The following ZC2HC1C variants were observed in gnomAD, a reference collection of about 807,000 sequenced individuals.
The protein encoded by ZC2HC1C is zinc finger C2HC domain-containing protein 1C.
A neutral mutation model predicts 39.2 loss-of-function variants in ZC2HC1C; 25 were observed. The observed-to-expected ratio is 0.64, with a 90% confidence interval of 0.47 to 0.89. The LOEUF (loss-of-function observed/expected upper bound fraction) is 0.89, where lower values mean the gene tolerates loss of function less well. ZC2HC1C is among the 40% of genes least tolerant of loss of function. The pLI, the probability that ZC2HC1C is intolerant of heterozygous loss-of-function variation, is 0.00. For synonymous variants in ZC2HC1C, 209 were observed against 214.4 expected (o/e 0.97, Z 0.22); for missense variants, 519 against 548.6 (o/e 0.95, Z 0.54).
chr14:75,070,729 T>C lies in ZC2HC1C; in HGVS notation c.156T>C (p.Asn52=). ...QQSLKGHLRN[N]FQKQLLSNKE... ...CCTTGAAGGGGCACCTGAGGAACAATTTCCAGAAGCAGCTTTTGAGCAACA... is the reference window on the plus strand; with the variant it reads ...CCTTGAAGGGGCACCTGAGGAACAACTTCCAGAAGCAGCTTTTGAGCAACA... The change falls in exon 2 of 3, where the codon AAT becomes AAC. Residue 52 remains asparagine, a synonymous_variant. Transcript: ENST00000524913. The C allele has an allele frequency of 2.5e-6, 4 of 1,614,192 alleles. No homozygotes were observed. Among genetic ancestry groups the C allele is most frequent in the Non-Finnish European group, 3.4e-6 (4 of 1,180,036 alleles).
At chr14:75,072,781 AGTGTT>A (rs1435177366) in intron 2 of ZC2HC1C, among the ~76,000 whole-genome samples, 5 of 152,186 alleles carry the variant, frequency 3.3e-5, no homozygotes, top group African/African-American at 1.2e-4. Flanking sequence ...TTTAGTGTTT[AGTGTT>A]GTATTAGAAA....
intron 2 of ZC2HC1C, among the ~76,000 whole-genome samples, chr14:75,076,376 C>A (rs1893668802): frequency 6.6e-6 from 1 of 152,104 alleles, no homozygotes; most frequent in Admixed American, 6.5e-5. Flanking sequence ...TCAAGCAATT[C>A]TCCTGCCTCA....
Position 75,070,944 on chromosome 14 carries a change from A to C in ZC2HC1C, c.371A>C (p.Asp124Ala). The change falls in exon 2 of 3, where the codon GAC (aspartate) becomes GCC (alanine). Residue 124 changes from aspartate to alanine, a missense_variant. By Grantham distance (126) the Asp-to-Ala change is moderately radical. Coordinates refer to ENST00000524913, the MANE Select transcript of ZC2HC1C (RefSeq NM_024643.4). ...QSWYPKANNQDFIPFTKKRVG... is the reference protein window; with the variant it reads ...QSWYPKANNQAFIPFTKKRVG... ...TGGTATCCCAAAGCCAATAACCAGG[A>C]CTTTATCCCCTTTACAAAGAAACGA... The C allele has an allele frequency of 6.2e-7, 1 of 1,614,190 alleles. No homozygotes were observed. Among genetic ancestry groups the C allele is most frequent in the Non-Finnish European group, 8.5e-7 (1 of 1,180,030 alleles).
chr14:75,072,852 T>C lies in ZC2HC1C; in HGVS notation c.1338+941T>C, dbSNP rs1367508903. 3.9e-5 allele frequency among the ~76,000 whole-genome samples: 6 copies of C among 152,232 alleles called. No homozygotes were observed. In the East Asian group the frequency reaches 1.2e-3, roughly 29 times the overall value. ...AAAATATAACAATATATTAAGCCCC[T>C]GATTTCCAGGGATCATGAATTTACA... On this transcript the variant is annotated intron_variant, in intron 2 of 2. Coordinates refer to ENST00000524913, the MANE Select transcript of ZC2HC1C (RefSeq NM_024643.4).
chr14:75,070,225 C>T (rs1246086458), intron 1 of ZC2HC1C, among the ~76,000 whole-genome samples: 2 of 152,158 alleles, frequency 1.3e-5, no homozygotes, highest in Non-Finnish European at 2.9e-5. Context: ...TGTTACAGGC[C>T]TAGAACCTGA....
Position 75,077,616 on chromosome 14 carries a change from G to C in ZC2HC1C, c.*52G>C. 6.2e-7 allele frequency: 1 copy of C among 1,610,836 alleles called. No homozygotes were observed. ...CCGCCAGGCTCGAGAGGTCCAGCAG[G>C]TAACTGCCAAAGGTGGAAACTGTTC... is the stretch of plus-strand genomic sequence containing the variant. On this transcript the variant is annotated 3_prime_UTR_variant, in exon 3 of 3. Transcript: ENST00000524913.
chr14:75,071,706 G>C lies in ZC2HC1C; in HGVS notation c.1133G>C (p.Gly378Ala). The change falls in exon 2 of 3, where the codon GGT becomes GCT. Residue 378 changes from glycine (G) to alanine (A), a missense_variant. Coordinates refer to ENST00000524913, the MANE Select transcript of ZC2HC1C (RefSeq NM_024643.4). ...SSLSMAPDSS[G>A]SSGSIEEPQL... Reference sequence around the variant, plus strand: ...CTGTCCATGGCACCAGACTCCTCAGGTTCCAGCGGCTCCATTGAAGAGCCA... The same window carrying C: ...CTGTCCATGGCACCAGACTCCTCAGCTTCCAGCGGCTCCATTGAAGAGCCA... 1 of 1,614,186 alleles carries C rather than the reference G, an allele frequency of 6.2e-7. No homozygotes were observed. The highest frequency in any genetic ancestry group is 8.5e-7 in the Non-Finnish European group (1 of 1,180,026).
At chr14:75,075,754 T>C (rs1186289017) in intron 2 of ZC2HC1C, among the ~76,000 whole-genome samples, 1 of 152,242 alleles carries the variant, frequency 6.6e-6, no homozygotes, top group Non-Finnish European at 1.5e-5. Flanking sequence ...AATTGTATTA[T>C]TTCCTTAATA....
Position 75,077,652 on chromosome 14 carries a change from C to T in ZC2HC1C, c.*88C>T, listed in dbSNP as rs1171481949. 6.5e-7 allele frequency: 1 copy of T among 1,529,984 alleles called. No homozygotes were observed. Among genetic ancestry groups the T allele is most frequent in the Non-Finnish European group, 9.0e-7 (1 of 1,111,140 alleles). The allele number at this position is 1,529,984 out of a possible 1,614,324, so 94.8% of individuals were successfully genotyped here. A position where few individuals can be genotyped will look rare whatever the true frequency, so the allele number is the denominator to read the frequency against. The stretch of plus-strand genomic sequence containing the variant: ...AGGTGGAAACTGTTCACACTTGCCT[C>T]CCATCCTGCCTGCAGAAAACCCAGA... On this transcript the variant is annotated 3_prime_UTR_variant, in exon 3 of 3. Coordinates refer to ENST00000524913, the MANE Select transcript of ZC2HC1C (RefSeq NM_024643.4).
chr14:75,077,493 G>A (rs200310241), intron 2 of ZC2HC1C, 39 bp from the exon 3 acceptor site: 759 of 1,613,690 alleles, frequency 4.7e-4, no homozygotes, highest in Non-Finnish European at 5.8e-4. Context: ...AAGGAGATAG[G>A]TGCCAACTTG....
rs1439395406 is a variant in ZC2HC1C at position 75,071,575 on chromosome 14, CAAT to C, written c.1008_1010del (p.Asn336del). ...TCAAAAGGGAAAGGCTGGTAGCAAGCAATAATAAAATTCGAGACCCAGTCTCAG... is the reference window on the plus strand; with the variant it reads ...TCAAAAGGGAAAGGCTGGTAGCAAGCAATAAAATTCGAGACCCAGTCTCAG... On this transcript the variant is annotated inframe_deletion, in exon 2 of 3. Transcript: ENST00000524913. The C allele has an allele frequency of 6.2e-7, 1 of 1,614,126 alleles. No homozygotes were observed. The highest frequency in any genetic ancestry group is 1.7e-5 in the Admixed American group (1 of 60,014).
At chr14:75,077,194 G>C (rs1335201736) in intron 2 of ZC2HC1C, among the ~76,000 whole-genome samples, 1 of 152,216 alleles carries the variant, frequency 6.6e-6, no homozygotes, top group African/African-American at 2.4e-5. Context: ...TTCTGTGAGT[G>C]TGCTTGGGTG....
chr14:75,070,590 G>A lies in ZC2HC1C; in HGVS notation c.17G>A (p.Arg6Gln). Residue 6 changes from arginine to glutamine, a missense_variant, in exon 2 of 3, where the codon CGG (arginine) becomes CAG (glutamine). Transcript: ENST00000524913. ...AGGCCCTGAATGGCTGGTCTCCAGCGGTTGGCGTCACATCTGCCTGTGGGC... is the reference window on the plus strand; with the variant it reads ...AGGCCCTGAATGGCTGGTCTCCAGCAGTTGGCGTCACATCTGCCTGTGGGC... MAGLQ[R>Q]LASHLPVGVM... is the part of the protein sequence containing the mutation. 7 of 1,611,460 alleles carry A rather than the reference G, an allele frequency of 4.3e-6. No individual in the cohort carries two copies. The highest frequency in any genetic ancestry group is 5.9e-6 in the Non-Finnish European group (7 of 1,178,644).
chr14:75,071,588 C>A lies in ZC2HC1C; in HGVS notation c.1015C>A (p.Arg339=). The A allele has an allele frequency of 6.2e-7, 1 of 1,614,118 alleles. No homozygotes were observed. Among genetic ancestry groups the A allele is most frequent in the Non-Finnish European group, 8.5e-7 (1 of 1,180,014 alleles). The part of the protein sequence containing the change: ...ERLVASNNKI[R]DPVSEPSVEK... Reference sequence around the variant, plus strand: ...GCTGGTAGCAAGCAATAATAAAATTCGAGACCCAGTCTCAGAGCCATCGGT... The same window carrying A: ...GCTGGTAGCAAGCAATAATAAAATTAGAGACCCAGTCTCAGAGCCATCGGT... The change falls in exon 2 of 3, where the codon CGA becomes AGA. Residue 339 remains arginine, a synonymous_variant. Coordinates refer to ENST00000524913, the MANE Select transcript of ZC2HC1C (RefSeq NM_024643.4).
intron 2 of ZC2HC1C, among the ~76,000 whole-genome samples, chr14:75,076,470 G>A (rs762457621): frequency 5.3e-5 from 8 of 152,058 alleles, no homozygotes; most frequent in Non-Finnish European, 1.0e-4. Flanking sequence ...GGATTTCACC[G>A]TCTTAGCCAG....
Position 75,077,942 on chromosome 14 carries a change from C to T in ZC2HC1C, c.*378C>T, listed in dbSNP as rs891732305. 4.0e-5 allele frequency: 9 copies of T among 223,632 alleles called. No homozygotes were observed. The highest frequency in any genetic ancestry group is 7.1e-5 in the Non-Finnish European group (8 of 112,240). 13.9% of individuals were successfully genotyped at this position (223,632 alleles called of 1,614,324 possible). A position where few individuals can be genotyped will look rare whatever the true frequency, so the allele number is the denominator to read the frequency against. ...GCTAAAATCTGTGAGGAGAGAGCCACTGCTAAGCAGCAGGAGGCAGAAGGA... is the reference window on the plus strand; with the variant it reads ...GCTAAAATCTGTGAGGAGAGAGCCATTGCTAAGCAGCAGGAGGCAGAAGGA... On this transcript the variant is annotated 3_prime_UTR_variant, in exon 3 of 3. Transcript: ENST00000524913.
At chr14:75,073,921 T>G (rs564762818) in intron 2 of ZC2HC1C, among the ~76,000 whole-genome samples, 20 of 152,318 alleles carry the variant, frequency 1.3e-4, no homozygotes, top group Middle Eastern at 6.8e-3. Flanking sequence ...AGACCGAGTC[T>G]CGCCCTGTTG....
In ZC2HC1C at chr14:75,071,691, C is replaced by T; in HGVS notation, c.1118C>T (p.Ala373Val). The change falls in exon 2 of 3, where the codon GCA becomes GTA. Residue 373 changes from alanine (A) to valine (V), a missense_variant. Coordinates refer to ENST00000524913, the MANE Select transcript of ZC2HC1C (RefSeq NM_024643.4). ...GCCAGAAATTCCAGCCTGTCCATGGCACCAGACTCCTCAGGTTCCAGCGGC... is the reference window on the plus strand; with the variant it reads ...GCCAGAAATTCCAGCCTGTCCATGGTACCAGACTCCTCAGGTTCCAGCGGC... ...GSARNSSLSM[A>V]PDSSGSSGSI... is the part of the protein sequence containing the mutation. 1 of 1,614,140 alleles carries T rather than the reference C, an allele frequency of 6.2e-7. No individual in the cohort carries two copies. The highest frequency in any genetic ancestry group is 8.5e-7 in the Non-Finnish European group (1 of 1,179,990).
chr14:75,069,936 C>T (rs1213854981), intron 1 of ZC2HC1C, 187 bp downstream of exon 1: 1 of 153,136 alleles, frequency 6.5e-6, no homozygotes, highest in African/African-American at 2.4e-5. Flanking sequence ...GTCAGGTGGC[C>T]CTCAACGCTC....
Sources: allele counts gnomAD v4.1 joint callset (sites outside exome capture counted in the v4.1 genomes callset), GRCh38; gene constraint gnomAD v4.1.1; transcripts MANE v1.5; gene names NCBI Gene and HGNC (gene_info 2026-07-23, HGNC 2026-07-21).